Variants in BRINP1 observed in about 807,000 individuals in gnomAD.
BRINP1 encodes BMP/retinoic acid inducible neural specific 1, also known as BMP/retinoic acid-inducible neural-specific protein 1.
Under a neutral mutation model 72.9 loss-of-function variants are expected in BRINP1, and 17 were observed. The observed-to-expected ratio is 0.23, with a 90% CI of 0.16 to 0.35. BRINP1 has a LOEUF of 0.35. Among genes scored for constraint, BRINP1 ranks in the 10% least tolerant of loss-of-function variants. The probability of loss-of-function intolerance (pLI) is 1.00; values close to 1 mark genes in which losing one functional copy is unlikely to be tolerated. For missense variants in BRINP1, 850 were observed against 1,001.6 expected (o/e 0.85, Z 2.04); for synonymous variants, 418 against 378.5 (o/e 1.10, Z -1.21).
At chr9:119,196,243 T>C (rs1211340020) in intron 7 of BRINP1, among the ~76,000 whole-genome samples, 1 of 152,148 alleles carries the variant, frequency 6.6e-6, no homozygotes, top group Non-Finnish European at 1.5e-5. Flanking sequence ...ACCTCAGTTC[T>C]ACTGAATCAA....
chr9:119,333,563 A>C (rs1831321502), intron 1 of BRINP1, among the ~76,000 whole-genome samples: 1 of 151,660 alleles, frequency 6.6e-6, no homozygotes, highest in Non-Finnish European at 1.5e-5. Flanking sequence ...TCTGGAGGTG[A>C]GGTCCAAAAA....
At chr9:119,173,019 G>A (rs7032276) in intron 7 of BRINP1, among the ~76,000 whole-genome samples, 82,894 of 144,760 alleles carry the variant, frequency 0.57, 24,615 homozygotes, top group African/African-American at 0.67. Flanking sequence ...ACCCACAGCC[G>A]ATATCATACT....
intron 5 of BRINP1, among the ~76,000 whole-genome samples, chr9:119,230,920 C>T (rs1278224668): frequency 6.6e-6 from 1 of 151,934 alleles, no homozygotes; most frequent in Non-Finnish European, 1.5e-5. Flanking sequence ...CTCCCATCTC[C>T]TAATGATCTC....
At chr9:119,230,200 T>C (rs1270191467) in intron 5 of BRINP1, among the ~76,000 whole-genome samples, 1 of 152,052 alleles carries the variant, frequency 6.6e-6, no homozygotes, top group Non-Finnish European at 1.5e-5. Flanking sequence ...GTCTGGAGCA[T>C]GGATATGGTA....
intron 7 of BRINP1, among the ~76,000 whole-genome samples, chr9:119,192,955 T>C (rs1294947325): frequency 2.6e-5 from 4 of 152,106 alleles, no homozygotes; most frequent in African/African-American, 9.6e-5. Flanking sequence ...AATCTGATGA[T>C]GTTCAAGTTT....
At chr9:119,367,221 G>GTGTGTGATATATATATAT (rs1564259756) in intron 1 of BRINP1, among the ~76,000 whole-genome samples, 3 of 99,892 alleles carry the variant, frequency 3.0e-5, no homozygotes, top group South Asian at 4.9e-4. Context: ...GTGTGTGATT[G>GTGTGTGATATATATATAT]ATATATATAT....
In BRINP1 at chr9:119,343,586, C is replaced by T. The variant is rs372031983; in HGVS notation, c.-51+25470G>A. On this transcript the variant is annotated intron_variant, in intron 1 of 7. Transcript: ENST00000265922. ...TTGTATCTAGAAGCCCATCTTTCTA[C>T]ATTTAATACCTTCTTCCTCATTCTT... 1.9e-4 allele frequency among the ~76,000 whole-genome samples: 29 copies of T among 152,286 alleles called. No individual in the cohort carries two copies. The South Asian group carries it at 3.7e-3, about 20-fold the overall frequency.
intron 2 of BRINP1, among the ~76,000 whole-genome samples, chr9:119,272,816 C>G (rs2118953335): frequency 6.6e-6 from 1 of 152,312 alleles, no homozygotes; most frequent in East Asian, 1.9e-4. Context: ...TCTCTGTTAT[C>G]CATTCGATAA....
At chr9:119,231,334 A>T (rs1411551151) in intron 5 of BRINP1, among the ~76,000 whole-genome samples, 1 of 151,952 alleles carries the variant, frequency 6.6e-6, no homozygotes, top group African/African-American at 2.4e-5. Context: ...TATGCACAAG[A>T]CCCTATTCAC....
rs532006799 is a variant in BRINP1, at chr9:119,261,299, T to C, written c.219-12149A>G. ...AATGTTTATGGAACATTAGCAATTG[T>C]CTTCTGGATACCTAGGTGAATTGGA... is the stretch of plus-strand genomic sequence containing the variant. On this transcript the variant is annotated intron_variant, in intron 2 of 7. Transcript: ENST00000265922. Among the ~76,000 whole-genome samples, 3 of 152,338 alleles carry C rather than the reference T, an allele frequency of 2.0e-5. No individual in the cohort carries two copies. In the South Asian group the frequency reaches 6.2e-4, roughly 32 times the overall value.
chr9:119,340,875 C>A (rs1295799743), intron 1 of BRINP1, among the ~76,000 whole-genome samples: 5 of 152,082 alleles, frequency 3.3e-5, no homozygotes, highest in African/African-American at 1.2e-4. Flanking sequence ...GTATGAAGGT[C>A]CACAGAGTAG....
chr9:119,167,866 G>A lies in BRINP1; in HGVS notation c.1504C>T (p.His502Tyr), dbSNP rs1193123497. 1.9e-6 allele frequency: 3 copies of A among 1,614,082 alleles called. No individual in the cohort carries two copies. Among genetic ancestry groups the A allele is most frequent in the African/African-American group, 1.3e-5 (1 of 74,936 alleles). ...LQKMDSRLYV[H>Y]TTFISNEIRL... ...ATCTCGTTGCTGATGAAGGTGGTGT[G>A]GACGTAGAGGCGTGAGTCCATCTTC... Residue 502 changes from histidine to tyrosine, a missense_variant, in exon 8 of 8, where the codon CAC becomes TAC. Coordinates refer to ENST00000265922, the MANE Select transcript of BRINP1 (RefSeq NM_014618.3). The surrounding 1 kb of genome is among the most constrained non-coding windows in gnomAD (Gnocchi z 4.3).
At chr9:119,183,273 G>C (rs1183636660) in intron 7 of BRINP1, among the ~76,000 whole-genome samples, 1 of 152,110 alleles carries the variant, frequency 6.6e-6, no homozygotes, top group African/African-American at 2.4e-5. Context: ...CAGTAGAAGA[G>C]AATTCTATAT....
chr9:119,296,874 G>GA (rs1260011882), intron 2 of BRINP1, among the ~76,000 whole-genome samples: 1 of 146,630 alleles, frequency 6.8e-6, no homozygotes, highest in African/African-American at 2.4e-5. Context: ...GAGAAATGGG[G>GA]AGAGTTTGGT....
intron 4 of BRINP1, among the ~76,000 whole-genome samples, chr9:119,239,453 C>G (rs1830225413): frequency 6.6e-6 from 1 of 152,172 alleles, no homozygotes; most frequent in Non-Finnish European, 1.5e-5. Context: ...AAGAGAGGAA[C>G]AGCTATTCAA....
chr9:119,167,776 T>C lies in BRINP1; in HGVS notation c.1594A>G (p.Lys532Glu). ...ATGTGGATGAAGTCCATGCGGTTCTTGTTGCTCTTGAGAGTGAGGGACATG... is the reference window on the plus strand; with the variant it reads ...ATGTGGATGAAGTCCATGCGGTTCTCGTTGCTCTTGAGAGTGAGGGACATG... ...KRMSLTLKSN[K>E]NRMDFIHMVI... The change falls in exon 8 of 8, where the codon AAG (lysine) becomes GAG (glutamate). Residue 532 changes from lysine (K) to glutamate (E), a missense_variant. By Grantham distance (56) the Lys-to-Glu change is moderately conservative. Coordinates refer to ENST00000265922, the MANE Select transcript of BRINP1 (RefSeq NM_014618.3). The surrounding 1 kb of genome is among the most constrained non-coding windows in gnomAD (Gnocchi z 4.3). The C allele has an allele frequency of 6.2e-7, 1 of 1,613,972 alleles. No individual in the cohort carries two copies.
chr9:119,181,516 T>G (rs754609524), intron 7 of BRINP1, among the ~76,000 whole-genome samples: 7 of 152,204 alleles, frequency 4.6e-5, no homozygotes, highest in Non-Finnish European at 1.0e-4. Context: ...CACTTTGTCT[T>G]AAGAGCTAGG....
intron 2 of BRINP1, among the ~76,000 whole-genome samples, chr9:119,289,767 C>A (rs1236684986): frequency 6.6e-6 from 1 of 152,214 alleles, no homozygotes; most frequent in East Asian, 1.9e-4. Flanking sequence ...TGGTTAATAA[C>A]TCATTGACCT....
At chr9:119,351,135 A>G (rs1029086638) in intron 1 of BRINP1, among the ~76,000 whole-genome samples, 1 of 152,006 alleles carries the variant, frequency 6.6e-6, no homozygotes, top group Admixed American at 6.6e-5. Context: ...ATTCTCATCT[A>G]TTCATAAACA....
Sources: gnomAD v4.1 joint callset for allele counts (sites outside exome capture counted in the v4.1 genomes callset) on GRCh38, gnomAD v4.1.1 for gene constraint, Gnocchi (gnomAD v3.1) non-coding constraint, MANE v1.5 for transcripts, NCBI Gene and HGNC (gene_info 2026-07-23, HGNC 2026-07-21) for gene names.